The following MYOCD variants were observed in gnomAD, a reference collection of about 807,000 sequenced individuals.
MYOCD encodes myocardin.
MYOCD carries 32 observed loss-of-function variants against 96.1 expected under a neutral mutation model. The observed-to-expected ratio is 0.33, with a 90% CI of 0.25 to 0.45. The LOEUF is 0.45. Among genes scored for constraint, MYOCD ranks in the 20% least tolerant of loss-of-function variants. The pLI is 1.00. For synonymous variants in MYOCD, 469 were observed against 469.0 expected, an observed-to-expected ratio of 1.00 and a Z score of 0.00; for missense variants, 1,133 against 1,200.6, an observed-to-expected ratio of 0.94 and a Z score of 0.83.
Position 12,768,511 on chromosome 17 carries a change from G to A in MYOCD, c.*4867G>A, listed in dbSNP as rs2033397800. On this transcript the variant is annotated 3_prime_UTR_variant, in exon 14 of 14. Transcript: ENST00000425538. ...ATCTGCTCCCATCGTGAACCCTGGA[G>A]CATGCATTTCCTAGAAGTGGTTTCA... The A allele has an allele frequency of 6.6e-6, 1 of 152,170 alleles. No homozygotes were observed. Among genetic ancestry groups the A allele is most frequent in the African/African-American group, 2.4e-5 (1 of 41,444 alleles). The allele number at this position is 152,170 out of a possible 1,614,324, so 9.4% of individuals were successfully genotyped here.
rs1170616118 is a variant in MYOCD, at chr17:12,766,724, A to G, written c.*3080A>G. On this transcript the variant is annotated 3_prime_UTR_variant, in exon 14 of 14. Transcript: ENST00000425538. The stretch of plus-strand genomic sequence containing the variant: ...CATTCAAGTTCCCTAATGCTCTTAG[A>G]ACCTGAAGATGACCATGTGTAGTTT... 1.3e-5 allele frequency: 2 copies of G among 152,232 alleles called. No homozygotes were observed. The highest frequency in any genetic ancestry group is 2.9e-5 in the Non-Finnish European group (2 of 68,044). The allele number at this position is 152,232 out of a possible 1,614,324, so 9.4% of individuals were successfully genotyped here. A position where few individuals can be genotyped will look rare whatever the true frequency, so the allele number is the denominator to read the frequency against.
intron 7 of MYOCD, among the ~76,000 whole-genome samples, chr17:12,741,473 C>T (rs1473743042): frequency 2.6e-5 from 4 of 152,034 alleles, no homozygotes; most frequent in African/African-American, 7.2e-5. Context: ...TTTGGGAGGC[C>T]GAGGCGGGCA....
intron 1 of MYOCD, among the ~76,000 whole-genome samples, chr17:12,698,123 A>G (rs1407107272): frequency 6.6e-6 from 1 of 152,194 alleles, no homozygotes; most frequent in Non-Finnish European, 1.5e-5. Flanking sequence ...GCAAGATGCT[A>G]TACGAAGTAA....
chr17:12,752,058 G>T (rs1184006640), intron 9 of MYOCD, among the ~76,000 whole-genome samples: 1 of 152,114 alleles, frequency 6.6e-6, no homozygotes. Flanking sequence ...ACTATTGTTG[G>T]AGGGCTTGTG....
At chr17:12,697,611 A>G (rs1425099222) in intron 1 of MYOCD, among the ~76,000 whole-genome samples, 3 of 151,734 alleles carry the variant, frequency 2.0e-5, no homozygotes, top group Non-Finnish European at 2.9e-5. Context: ...TCGGCCTCCC[A>G]AAGTGCTGGG....
chr17:12,699,181 G>T (rs1176642941), intron 1 of MYOCD, among the ~76,000 whole-genome samples: 1 of 152,014 alleles, frequency 6.6e-6, no homozygotes. Flanking sequence ...CTGGAGTGCA[G>T]TGGCCCAGTC....
At chr17:12,668,486 G>A (rs760133790) in intron 1 of MYOCD, among the ~76,000 whole-genome samples, 2 of 152,138 alleles carry the variant, frequency 1.3e-5, no homozygotes, top group African/African-American at 2.4e-5. Context: ...AATCATCATC[G>A]ATGTCAACCA....
chr17:12,751,904 A>C (rs1017069252), intron 9 of MYOCD, among the ~76,000 whole-genome samples: 5 of 152,196 alleles, frequency 3.3e-5, no homozygotes, highest in Non-Finnish European at 5.9e-5. Context: ...CTGGGTCAGA[A>C]ACCCCACAGT....
At chr17:12,705,995 T>C (rs1007683011) in intron 2 of MYOCD, 2 of 152,228 alleles carry the variant, frequency 1.3e-5, no homozygotes, top group Admixed American at 1.3e-4. Flanking sequence ...TTAGTTGTAT[T>C]GAAGCCCTAT....
At chr17:12,698,833 C>T (rs548602229) in intron 1 of MYOCD, among the ~76,000 whole-genome samples, 112 of 149,038 alleles carry the variant, frequency 7.5e-4, no homozygotes, top group Non-Finnish European at 1.2e-3. Context: ...AGCTCCGCCT[C>T]CCCGGTTCAC....
intron 2 of MYOCD, among the ~76,000 whole-genome samples, chr17:12,708,380 C>T (rs1390752562): frequency 6.6e-6 from 1 of 151,954 alleles, no homozygotes; most frequent in African/African-American, 2.4e-5. Flanking sequence ...TGTTAATTGT[C>T]CTTATCAAAT....
chr17:12,712,694 C>T (rs907247327), intron 2 of MYOCD, among the ~76,000 whole-genome samples: 1 of 152,166 alleles, frequency 6.6e-6, no homozygotes, highest in African/African-American at 2.4e-5. Context: ...AACACAAATT[C>T]CCTTGTGAGG....
intron 1 of MYOCD, among the ~76,000 whole-genome samples, chr17:12,703,319 TAA>T (rs2031158161): frequency 6.6e-6 from 1 of 152,048 alleles, no homozygotes; most frequent in African/African-American, 2.4e-5. Flanking sequence ...ATTATGTATC[TAA>T]GTGTGGTTTT....
At chr17:12,692,109 C>T (rs1174549096) in intron 1 of MYOCD, among the ~76,000 whole-genome samples, 2 of 152,194 alleles carry the variant, frequency 1.3e-5, no homozygotes, top group Admixed American at 1.3e-4. Context: ...CATTTTGTGC[C>T]TTTTCCATCT....
In MYOCD at chr17:12,682,198, C is replaced by T. The variant is rs557361821; in HGVS notation, c.55+15955C>T. Among the ~76,000 whole-genome samples the T allele has an allele frequency of 2.0e-4, 30 of 152,282 alleles. No homozygotes were observed. The East Asian group carries it at 2.9e-3, about 15-fold the overall frequency. ...GAACATGTCAGACCCACAGATGACA[C>T]GGGCCACTGGTGGGGAACGGTGGCT... On this transcript the variant is annotated intron_variant, in intron 1 of 13. Coordinates refer to ENST00000425538, the MANE Select transcript of MYOCD (RefSeq NM_001146312.3).
At chr17:12,739,534 C>T (rs1482354400) in intron 7 of MYOCD, among the ~76,000 whole-genome samples, 1 of 152,186 alleles carries the variant, frequency 6.6e-6, no homozygotes, top group Non-Finnish European at 1.5e-5. Flanking sequence ...ACCTCTGCCA[C>T]GGAGAAGGCT....
Position 12,767,661 on chromosome 17 carries a change from A to C in MYOCD, c.*4017A>C, listed in dbSNP as rs889096863. On this transcript the variant is annotated 3_prime_UTR_variant, in exon 14 of 14. Transcript: ENST00000425538. ...CCAAGAGGGGGTGGAGGTGGGGATC[A>C]CTTTTTAGCTAAAAGCTATCTCTCA... 5.3e-5 allele frequency: 8 copies of C among 151,672 alleles called. No individual in the cohort carries two copies. The highest frequency in any genetic ancestry group is 1.9e-4 in the African/African-American group (8 of 41,424). 9.4% of individuals were successfully genotyped at this position (151,672 alleles called of 1,614,324 possible).
At chr17:12,741,767 T>C (rs956349365) in intron 7 of MYOCD, among the ~76,000 whole-genome samples, 6 of 151,294 alleles carry the variant, frequency 4.0e-5, no homozygotes, top group African/African-American at 1.5e-4. Flanking sequence ...GTAGAAAGTA[T>C]GATAGAAGCC....
intron 9 of MYOCD, among the ~76,000 whole-genome samples, chr17:12,749,324 T>C (rs1445386791): frequency 6.6e-6 from 1 of 151,886 alleles, no homozygotes; most frequent in African/African-American, 2.4e-5. Flanking sequence ...GGTCAGGTGT[T>C]CAAAACCAGC....
Sources: gnomAD v4.1 joint callset for allele counts (sites outside exome capture counted in the v4.1 genomes callset) on GRCh38, gnomAD v4.1.1 for gene constraint, MANE v1.5 for transcripts, NCBI Gene and HGNC (gene_info 2026-07-23, HGNC 2026-07-21) for gene names.